VIL1: variants seen among roughly 807,000 people sequenced by gnomAD.
VIL1 encodes the protein villin 1, also known as villin-1.
A neutral mutation model predicts 104.0 loss-of-function variants in VIL1; 86 were observed. That is an observed-to-expected ratio of 0.83 (90% CI 0.69 to 0.99). The LOEUF is 0.99. Among genes scored for constraint, VIL1 ranks in the 50% least tolerant of loss-of-function variants. VIL1 has a pLI of 0.00. For synonymous variants in VIL1, 394 were observed against 412.6 expected, an observed-to-expected ratio of 0.95 and a Z score of 0.55; for missense variants, 944 against 1,054.1, an observed-to-expected ratio of 0.90 and a Z score of 1.45.
In VIL1 at chr2:218,419,529, C is replaced by T. The variant is rs1045036528; in HGVS notation, c.-12+361C>T. ...TCTCCCTGACCTCACTCCCCGAGCCCCCTCCCCACCAGCTCATCTCTTTGC... is the reference window on the plus strand; with the variant it reads ...TCTCCCTGACCTCACTCCCCGAGCCTCCTCCCCACCAGCTCATCTCTTTGC... On this transcript the variant is annotated intron_variant, in intron 1 of 19. Transcript: ENST00000248444. 2.6e-5 allele frequency among the ~76,000 whole-genome samples: 4 copies of T among 152,114 alleles called. No individual in the cohort carries two copies. In the South Asian group the frequency reaches 8.3e-4, roughly 32 times the overall value.
chr2:218,427,982 TG>T lies in VIL1; in HGVS notation c.367del (p.Ala123LeufsTer4). ...KQGLVIRKGG[V>X]ASGMKHVETN... ...CTTCTCAGGATCCGGAAAGGGGGCG[TG>T]GCTTCTGGCATGAAGCACGTGGAGA... On this transcript the variant is annotated frameshift_variant, in exon 5 of 20. Coordinates refer to ENST00000248444, the MANE Select transcript of VIL1 (RefSeq NM_007127.3). LOFTEE classifies it high-confidence loss of function. The T allele has an allele frequency of 6.2e-7, 1 of 1,614,092 alleles. No individual in the cohort carries two copies. The highest frequency in any genetic ancestry group is 1.1e-5 in the South Asian group (1 of 91,078).
At chr2:218,447,033 G>A (rs1423843000) in intron 19 of VIL1, among the ~76,000 whole-genome samples, 1 of 152,098 alleles carries the variant, frequency 6.6e-6, no homozygotes, top group Admixed American at 6.5e-5. Flanking sequence ...CAAAGTGTTG[G>A]GATTACAGGT....
Position 218,426,038 on chromosome 2 carries a change from C to T in VIL1, c.347+227C>T, listed in dbSNP as rs896966513. On this transcript the variant is annotated intron_variant, in intron 4 of 19. Coordinates refer to ENST00000248444, the MANE Select transcript of VIL1 (RefSeq NM_007127.3). Reference sequence around the variant, plus strand: ...TGATTGTCCCTCACCTTTCCACTCCCTAACTCTTATTTCTGCCACTGCTCT... The same window carrying T: ...TGATTGTCCCTCACCTTTCCACTCCTTAACTCTTATTTCTGCCACTGCTCT... Among the ~76,000 whole-genome samples the T allele has an allele frequency of 2.0e-5, 3 of 152,158 alleles. No individual in the cohort carries two copies. In the South Asian group the frequency reaches 6.2e-4, roughly 32 times the overall value.
chr2:218,431,726 C>T, intron 10 of VIL1, 131 bp from the exon 11 acceptor site: 1 of 751,750 alleles, frequency 1.3e-6, no homozygotes, highest in Non-Finnish European at 2.3e-6. Context: ...AGGTAAGCTA[C>T]TGAATCTCTC....
intron 10 of VIL1, chr2:218,431,266 G>A (rs749077991): frequency 2.1e-5 from 7 of 326,838 alleles, no homozygotes; most frequent in South Asian, 9.8e-5. Context: ...CTGGAGAATC[G>A]CTTGAATTCA....
chr2:218,442,602 T>C (rs989276045), intron 19 of VIL1, among the ~76,000 whole-genome samples: 1 of 152,008 alleles, frequency 6.6e-6, no homozygotes, highest in Non-Finnish European at 1.5e-5. Context: ...TCCCAAAGTG[T>C]TGGAATTACA....
chr2:218,445,449 A>T (rs1191704447), intron 19 of VIL1, among the ~76,000 whole-genome samples: 1 of 151,866 alleles, frequency 6.6e-6, no homozygotes, highest in East Asian at 1.9e-4. Context: ...AAAACCAAAC[A>T]CTTCACTACC....
chr2:218,425,551 C>T, intron 3 of VIL1, 64 bp from the exon 4 acceptor site: 21 of 1,560,740 alleles, frequency 1.3e-5, no homozygotes, highest in Non-Finnish European at 1.8e-5. Flanking sequence ...TGTGGGAGGT[C>T]ACACAGAGCT....
intron 18 of VIL1, among the ~76,000 whole-genome samples, chr2:218,439,835 A>AAACC (rs1689257532): frequency 6.6e-6 from 1 of 151,536 alleles, no homozygotes; most frequent in Non-Finnish European, 1.5e-5. Context: ...AAAAAAAAAA[A>AAACC]AACCCGAAAA....
intron 10 of VIL1, among the ~76,000 whole-genome samples, chr2:218,431,582 G>A (rs932504293): frequency 1.3e-5 from 2 of 152,144 alleles, no homozygotes; most frequent in African/African-American, 4.8e-5. Context: ...AAGTCTGAAT[G>A]CTGCAGGGGT....
intron 7 of VIL1, 51 bp downstream of exon 7, chr2:218,429,538 G>C: frequency 6.2e-7 from 1 of 1,613,726 alleles, no homozygotes; most frequent in Non-Finnish European, 8.5e-7. Flanking sequence ...CTGGGAGAAG[G>C]TGCCCTGGCT....
chr2:218,440,071 A>G (rs916622133), intron 18 of VIL1, among the ~76,000 whole-genome samples: 2 of 152,192 alleles, frequency 1.3e-5, no homozygotes, highest in African/African-American at 4.8e-5. Flanking sequence ...GACTGACAGT[A>G]CAGACTGGCA....
At chr2:218,433,560 G>C (rs553942577) in intron 13 of VIL1, among the ~76,000 whole-genome samples, 65 of 151,560 alleles carry the variant, frequency 4.3e-4, no homozygotes, top group Middle Eastern at 3.4e-3. Flanking sequence ...CAATGCAGGG[G>C]GCACAGCAAG....
At position 218,440,792 on chromosome 2, in the gene VIL1, TC is replaced by T. The variant is rs758537387; in HGVS notation, c.2305del (p.Leu769TrpfsTer4). ...SNLSSGPLPI[F>X]PLEQLVNKPV... ...CTCAGTTCTGGGCCTCTGCCCATCTTCCCCCTGGAGCAGCTAGTGAACAAGC... is the reference window on the plus strand; with the variant it reads ...CTCAGTTCTGGGCCTCTGCCCATCTTCCCCTGGAGCAGCTAGTGAACAAGC... On this transcript the variant is annotated frameshift_variant, in exon 19 of 20. Coordinates refer to ENST00000248444, the MANE Select transcript of VIL1 (RefSeq NM_007127.3). LOFTEE classifies it high-confidence loss of function. 3 of 1,613,998 alleles carry T rather than the reference TC, an allele frequency of 1.9e-6. No homozygotes were observed. Among genetic ancestry groups the T allele is most frequent in the African/African-American group, 1.3e-5 (1 of 74,986 alleles).
intron 19 of VIL1, among the ~76,000 whole-genome samples, chr2:218,445,559 C>T (rs2106397903): frequency 6.6e-6 from 1 of 152,070 alleles, no homozygotes; most frequent in East Asian, 1.9e-4. Flanking sequence ...AGCATCAGAC[C>T]CCCCTGAGGT....
At chr2:218,427,892 C>T in intron 4 of VIL1, 73 bp from the exon 5 acceptor site, 1 of 1,461,094 alleles carries the variant, frequency 6.8e-7, no homozygotes. Context: ...GCGTGGCAGC[C>T]AGGACCTGGG....
intron 15 of VIL1, among the ~76,000 whole-genome samples, chr2:218,435,776 A>G (rs1490338004): frequency 6.6e-6 from 1 of 152,190 alleles, no homozygotes; most frequent in Admixed American, 6.5e-5. Context: ...GCCTGCTTTT[A>G]GGTCCTGACA....
In VIL1 at chr2:218,428,271, C is replaced by T. The variant is rs1419010629; in HGVS notation, c.501C>T (p.Leu167=). Residue 167 remains leucine (L), a synonymous_variant, in exon 6 of 20, where the codon CTC becomes CTT. Coordinates refer to ENST00000248444, the MANE Select transcript of VIL1 (RefSeq NM_007127.3). ...GTTTCAACCGAGGGGATGTTTTCCTCCTGGACCTTGGGAAGCTTATCATCC... is the reference window on the plus strand; with the variant it reads ...GTTTCAACCGAGGGGATGTTTTCCTTCTGGACCTTGGGAAGCTTATCATCC... ...WKSFNRGDVF[L]LDLGKLIIQW... is the part of the protein sequence containing the mutation. The T allele has an allele frequency of 1.2e-6, 2 of 1,614,050 alleles. No individual in the cohort carries two copies. The highest frequency in any genetic ancestry group is 2.7e-5 in the African/African-American group (2 of 74,910).
chr2:218,429,192 A>G, intron 6 of VIL1, 93 bp from the exon 7 acceptor site: 1 of 1,411,492 alleles, frequency 7.1e-7, no homozygotes, highest in African/African-American at 1.4e-5. Flanking sequence ...TGGCTGCTGT[A>G]GGTGGTCTGG....
Sources: allele counts gnomAD v4.1 joint callset (sites outside exome capture counted in the v4.1 genomes callset), GRCh38; gene constraint gnomAD v4.1.1; transcripts MANE v1.5; gene names NCBI Gene and HGNC (gene_info 2026-07-23, HGNC 2026-07-21).